The following UIMC1 variants were observed in gnomAD, a reference collection of about 807,000 sequenced individuals.
The protein encoded by UIMC1 is ubiquitin interaction motif containing 1, also known as BRCA1-A complex subunit RAP80.
In UIMC1, 42 loss-of-function variants were observed where a neutral mutation model predicts 84.9. That is an observed-to-expected ratio of 0.49 (90% CI 0.39 to 0.64). The LOEUF is 0.64. UIMC1 is among the 30% of genes least tolerant of loss of function. UIMC1 has a pLI of 0.00. For synonymous variants in UIMC1, 281 were observed against 293.0 expected (o/e 0.96, Z 0.42); for missense variants, 825 against 847.6 (o/e 0.97, Z 0.33).
At chr5:176,952,068 A>G (rs1364446434) in intron 8 of UIMC1, among the ~76,000 whole-genome samples, 1 of 152,230 alleles carries the variant, frequency 6.6e-6, no homozygotes, top group Non-Finnish European at 1.5e-5. Context: ...TCGTCACATA[A>G]TATCAATAGT....
intron 10 of UIMC1, among the ~76,000 whole-genome samples, chr5:176,929,680 G>A (rs964024264): frequency 1.3e-5 from 2 of 152,270 alleles, no homozygotes; most frequent in East Asian, 3.9e-4. Context: ...TAGAATATGG[G>A]GGTTCAGAGT....
intron 8 of UIMC1, among the ~76,000 whole-genome samples, chr5:176,953,658 A>G (rs1766209132): frequency 6.6e-6 from 1 of 152,210 alleles, no homozygotes; most frequent in African/African-American, 2.4e-5. Flanking sequence ...TACTGCAATA[A>G]TAAAAAGTCT....
chr5:176,908,756 C>T, intron 11 of UIMC1, 62 bp from the exon 12 acceptor site: 3 of 1,541,146 alleles, frequency 1.9e-6, no homozygotes, highest in South Asian at 1.2e-5. Context: ...CTCTGGGCCC[C>T]TGGATATGTC....
At chr5:177,021,658 T>C (rs764519155) in intron 1 of UIMC1, among the ~76,000 whole-genome samples, 1 of 142,762 alleles carries the variant, frequency 7.0e-6, no homozygotes, top group Non-Finnish European at 1.5e-5. Context: ...GGACTTTGGC[T>C]TTTTTTTTTT....
At chr5:176,954,776 C>T (rs1766382469) in intron 8 of UIMC1, among the ~76,000 whole-genome samples, 1 of 148,604 alleles carries the variant, frequency 6.7e-6, no homozygotes, top group African/African-American at 2.5e-5. Context: ...AAAAAGCCAA[C>T]ATAGTCCGAT....
chr5:176,926,105 C>A (rs1433138571), intron 10 of UIMC1, among the ~76,000 whole-genome samples: 1 of 151,618 alleles, frequency 6.6e-6, no homozygotes, highest in Non-Finnish European at 1.5e-5. Flanking sequence ...AATAAAATAA[C>A]GGAGGGAAAA....
At chr5:176,924,817 GATC>G (rs2149412295) in intron 10 of UIMC1, among the ~76,000 whole-genome samples, 1 of 152,056 alleles carries the variant, frequency 6.6e-6, no homozygotes, top group South Asian at 2.1e-4. Flanking sequence ...GAGGCGGGTG[GATC>G]ACAAGGTCAG....
chr5:176,968,988 T>C lies in UIMC1; in HGVS notation c.767A>G (p.His256Arg), dbSNP rs2149483707. The C allele has an allele frequency of 6.2e-7, 1 of 1,614,200 alleles. No homozygotes were observed. Among genetic ancestry groups the C allele is most frequent in the East Asian group, 2.2e-5 (1 of 44,890 alleles). ...AVQGSGDTSRHCLPTLADAKG... is the reference protein window; with the variant it reads ...AVQGSGDTSRRCLPTLADAKG... ...GGCATCTGCTAGGGTAGGTAGACAG[T>C]GCCTAGATGTGTCCCCGCTACCCTG... is the stretch of plus-strand genomic sequence containing the variant. Residue 256 changes from histidine (H) to arginine (R), a missense_variant, in exon 6 of 15, where the codon CAC becomes CGC. Physicochemically the swap from His to Arg is conservative, Grantham distance 29. Coordinates refer to ENST00000511320, the MANE Select transcript of UIMC1 (RefSeq NM_001199298.2).
intron 2 of UIMC1, among the ~76,000 whole-genome samples, chr5:176,981,213 C>A (rs1581631794): frequency 6.8e-6 from 1 of 146,802 alleles, no homozygotes; most frequent in Non-Finnish European, 1.5e-5. Flanking sequence ...GGCGCAATCT[C>A]GGCTCACTGC....
intron 12 of UIMC1, 101 bp from the exon 13 acceptor site, chr5:176,907,278 T>TG: frequency 8.7e-7 from 1 of 1,154,488 alleles, no homozygotes; most frequent in Non-Finnish European, 1.3e-6. Context: ...AGAAAAGGTG[T>TG]GGGGGCCACA....
At chr5:176,965,347 G>A (rs1197621042) in intron 6 of UIMC1, among the ~76,000 whole-genome samples, 8 of 151,710 alleles carry the variant, frequency 5.3e-5, no homozygotes, top group Non-Finnish European at 1.2e-4. Context: ...GCGTGAACCC[G>A]GGAGGTGGAG....
chr5:176,985,962 T>C (rs1771920300), intron 1 of UIMC1, among the ~76,000 whole-genome samples: 2 of 152,110 alleles, frequency 1.3e-5, no homozygotes, highest in Admixed American at 1.3e-4. Flanking sequence ...ACAAGAATGT[T>C]TCCTTTCAGC....
chr5:176,967,763 C>T (rs1768518550), intron 6 of UIMC1, among the ~76,000 whole-genome samples: 3 of 151,922 alleles, frequency 2.0e-5, no homozygotes, highest in African/African-American at 4.8e-5. Context: ...ATTAGCTCAG[C>T]GTAGTAGCGT....
intron 10 of UIMC1, among the ~76,000 whole-genome samples, chr5:176,919,963 A>G (rs1378621020): frequency 6.6e-6 from 1 of 152,078 alleles, no homozygotes; most frequent in Non-Finnish European, 1.5e-5. Context: ...TTTTGGTATG[A>G]ATTTTGGGAC....
chr5:176,999,294 T>C (rs756678168), intron 1 of UIMC1, among the ~76,000 whole-genome samples: 2 of 152,310 alleles, frequency 1.3e-5, no homozygotes, highest in South Asian at 2.1e-4. Context: ...TGTGGGTACA[T>C]AGGTGCATAT....
chr5:176,924,245 G>T (rs995713002), intron 10 of UIMC1, among the ~76,000 whole-genome samples: 4 of 151,662 alleles, frequency 2.6e-5, no homozygotes, highest in Non-Finnish European at 4.4e-5. Flanking sequence ...TTGAACCTGG[G>T]AGGCGGAGGT....
At chr5:176,923,486 G>A (rs1453670286) in intron 10 of UIMC1, among the ~76,000 whole-genome samples, 1 of 151,932 alleles carries the variant, frequency 6.6e-6, no homozygotes, top group African/African-American at 2.4e-5. Flanking sequence ...GGAGGCACAG[G>A]CTGCAGTGAG....
intron 2 of UIMC1, among the ~76,000 whole-genome samples, chr5:176,979,518 G>A (rs772174279): frequency 2.6e-5 from 4 of 151,708 alleles, no homozygotes; most frequent in African/African-American, 7.3e-5. Flanking sequence ...CAGGAGAATC[G>A]CTTGAACCTG....
chr5:177,018,077 G>A (rs921396813), intron 1 of UIMC1, among the ~76,000 whole-genome samples: 4 of 152,048 alleles, frequency 2.6e-5, no homozygotes, highest in African/African-American at 4.8e-5. Flanking sequence ...AAGGCTGGGC[G>A]TGGTGGCTCA....
Sources: gnomAD v4.1 joint callset for allele counts (sites outside exome capture counted in the v4.1 genomes callset) on GRCh38, gnomAD v4.1.1 for gene constraint, MANE v1.5 for transcripts, NCBI Gene and HGNC (gene_info 2026-07-23, HGNC 2026-07-21) for gene names.